The following HERC2 variants were observed in gnomAD, a reference collection of about 807,000 sequenced individuals.
The protein encoded by HERC2 is HECT and RLD domain containing E3 ubiquitin protein ligase 2, also known as E3 ubiquitin-protein ligase HERC2.
In HERC2, 102 loss-of-function variants were observed where a neutral mutation model predicts 537.7. The observed-to-expected ratio is 0.19, with a 90% confidence interval of 0.16 to 0.22. The LOEUF (loss-of-function observed/expected upper bound fraction) is 0.22. HERC2 is among the 10% of genes least tolerant of loss of function. The probability of loss-of-function intolerance (pLI) is 1.00; values close to 1 mark genes in which losing one functional copy is unlikely to be tolerated. For synonymous variants in HERC2, 2,224 were observed against 2,466.2 expected (o/e 0.90, Z 2.91); for missense variants, 4,236 against 6,198.2 (o/e 0.68, Z 10.63).
intron 55 of HERC2, among the ~76,000 whole-genome samples, chr15:28,188,422 T>C (rs1206294064): frequency 6.6e-6 from 1 of 151,866 alleles, no homozygotes; most frequent in Non-Finnish European, 1.5e-5. Flanking sequence ...CAGGCGCCTA[T>C]AGTCCCAGCT....
chr15:28,208,686 G>A (rs1214363971), intron 44 of HERC2, among the ~76,000 whole-genome samples: 3 of 152,174 alleles, frequency 2.0e-5, no homozygotes, highest in South Asian at 2.1e-4. Flanking sequence ...TGCTCAACAC[G>A]CTTCCAAAGA....
chr15:28,268,675 T>G lies in HERC2; in HGVS notation c.1447-59A>C. The stretch of plus-strand genomic sequence containing the variant: ...TCAGTCCAAGGAAAATGAAACCAGC[T>G]CAGCTCTCCGTTATCATGTATCCCC... On this transcript the variant is annotated intron_variant, in intron 11 of 92. Transcript: ENST00000261609. This position sits in a 1 kb window ranked among gnomAD's most constrained non-coding sequence, Gnocchi z 4.7. 1 of 1,432,010 alleles carries G rather than the reference T, an allele frequency of 7.0e-7. No individual in the cohort carries two copies. Among genetic ancestry groups the G allele is most frequent in the East Asian group, 2.4e-5 (1 of 41,408 alleles). 88.7% of individuals were successfully genotyped at this position (1,432,010 alleles called of 1,614,324 possible). A position where few individuals can be genotyped will look rare whatever the true frequency, so the allele number is the denominator to read the frequency against.
At chr15:28,305,145 T>G (rs2076749640) in intron 2 of HERC2, among the ~76,000 whole-genome samples, 2 of 143,084 alleles carry the variant, frequency 1.4e-5, no homozygotes, top group South Asian at 4.8e-4. Flanking sequence ...TTCCAAGTCT[T>G]TGCTATTGTG....
intron 2 of HERC2, among the ~76,000 whole-genome samples, chr15:28,303,982 G>T (rs995346260): frequency 2.6e-5 from 4 of 151,876 alleles, no homozygotes; most frequent in Non-Finnish European, 5.9e-5. Flanking sequence ...CCTGGCCCAT[G>T]TGGTGAAACC....
At chr15:28,170,832 G>T (rs1894623074) in intron 65 of HERC2, among the ~76,000 whole-genome samples, 1 of 150,324 alleles carries the variant, frequency 6.7e-6, no homozygotes, top group African/African-American at 2.4e-5. Flanking sequence ...ATTAGAAAAG[G>T]GCATGAAGAC....
chr15:28,113,775 G>A lies in HERC2; in HGVS notation c.13914-97C>T, dbSNP rs572048074. 1,010 of 951,480 alleles carry A rather than the reference G, an allele frequency of 1.1e-3. 2 individuals are homozygous for A. The highest frequency in any genetic ancestry group is 1.4e-3 in the Non-Finnish European group (862 of 604,962). 58.9% of individuals were successfully genotyped at this position (951,480 alleles called of 1,614,324 possible). On this transcript the variant is annotated intron_variant, in intron 90 of 92. Coordinates refer to ENST00000261609, the MANE Select transcript of HERC2 (RefSeq NM_004667.6). The surrounding 1 kb of genome is among the most constrained non-coding windows in gnomAD (Gnocchi z 7.0). ...GGCATGCAGCACTGTGGCCGCACAC[G>A]TCCCAGCTGGGAGAACAGAGGGAGC...
Position 28,256,165 on chromosome 15 carries a change from C to A in HERC2, c.2670G>T (p.Leu890=). The change falls in exon 18 of 93, where the codon CTG becomes CTT. Residue 890 remains leucine, a synonymous_variant. Transcript: ENST00000261609. ...GCAGCAGCACGGACCAGCCACTCTG[C>A]AGCACGGCCTGGGCGGCCGACTGCA... ...STVQSAAQAV[L]QSGWSVLLPT... is the part of the protein sequence containing the mutation. The A allele has an allele frequency of 6.2e-7, 1 of 1,602,056 alleles. No individual in the cohort carries two copies. The highest frequency in any genetic ancestry group is 1.1e-5 in the South Asian group (1 of 91,026).
chr15:28,167,858 T>G, intron 67 of HERC2, 31 bp from the exon 68 acceptor site: 1 of 1,576,250 alleles, frequency 6.3e-7, no homozygotes, highest in Non-Finnish European at 8.6e-7. Context: ...AGGGGAAGTT[T>G]AAGTGGAAAA....
chr15:28,177,606 T>G lies in HERC2; in HGVS notation c.9164-97A>C. 1.0e-6 allele frequency: 1 copy of G among 991,026 alleles called. No homozygotes were observed. Among genetic ancestry groups the G allele is most frequent in the Non-Finnish European group, 1.6e-6 (1 of 621,602 alleles). 61.4% of individuals were successfully genotyped at this position (991,026 alleles called of 1,614,324 possible). ...ATTTTGCCTGGCATATAGCACACACTCAATGAGCGTGAGCTGAATAAATGA... is the reference window on the plus strand; with the variant it reads ...ATTTTGCCTGGCATATAGCACACACGCAATGAGCGTGAGCTGAATAAATGA... On this transcript the variant is annotated intron_variant, in intron 59 of 92. Transcript: ENST00000261609. This position sits in a 1 kb window ranked among gnomAD's most constrained non-coding sequence, Gnocchi z 5.0.
intron 4 of HERC2, among the ~76,000 whole-genome samples, chr15:28,289,598 G>C (rs2076256419): frequency 6.6e-6 from 1 of 152,168 alleles, no homozygotes; most frequent in South Asian, 2.1e-4. Flanking sequence ...AGAACGCTGA[G>C]ACTGGCTTCT....
At chr15:28,220,103 C>T (rs763588933) in intron 37 of HERC2, among the ~76,000 whole-genome samples, 3 of 152,202 alleles carry the variant, frequency 2.0e-5, no homozygotes, top group Non-Finnish European at 2.9e-5. Flanking sequence ...GCAATTCCAC[C>T]AGGCCTCGGC....
chr15:28,222,709 CCTA>C (rs1232087380), intron 35 of HERC2, among the ~76,000 whole-genome samples: 1 of 152,082 alleles, frequency 6.6e-6, no homozygotes, highest in African/African-American at 2.4e-5. Flanking sequence ...TCTCCCATTC[CCTA>C]GGTAGTAGGT....
chr15:28,164,453 A>G (rs75829304), intron 68 of HERC2, among the ~76,000 whole-genome samples: 1 of 152,358 alleles, frequency 6.6e-6, no homozygotes, highest in African/African-American at 2.4e-5. Context: ...ATTCCAGAAC[A>G]TAACTCACTG....
rs774436245 is a variant in HERC2, at chr15:28,220,692, C to T, written c.5653-48G>A. The stretch of plus-strand genomic sequence containing the variant: ...CAGTTAGGAGGGTGCGTAACCTGCC[C>T]TGGTCCTTCCATGGCTCCCAGCAGA... On this transcript the variant is annotated intron_variant, in intron 36 of 92. Coordinates refer to ENST00000261609, the MANE Select transcript of HERC2 (RefSeq NM_004667.6). 5.4e-6 allele frequency: 8 copies of T among 1,486,046 alleles called. No homozygotes were observed. The East Asian group carries it at 1.6e-4, about 29-fold the overall frequency. 92.1% of individuals were successfully genotyped at this position (1,486,046 alleles called of 1,614,324 possible). A position where few individuals can be genotyped will look rare whatever the true frequency, so the allele number is the denominator to read the frequency against.
At position 28,135,513 on chromosome 15, in the gene HERC2, C is replaced by T. The variant is rs1207981284; in HGVS notation, c.12195G>A (p.Glu4065=). 1.2e-6 allele frequency: 2 copies of T among 1,614,034 alleles called. No homozygotes were observed. The highest frequency in any genetic ancestry group is 1.7e-6 in the Non-Finnish European group (2 of 1,180,016). Residue 4065 remains glutamate, a synonymous_variant, in exon 79 of 93, where the codon GAG becomes GAA. Transcript: ENST00000261609. ...SSEGEVYSWG[E]AEDGKLGHGN... is the part of the protein sequence containing the mutation. ...CATGCCCCAACTTCCCATCTTCTGCCTCACCCCAAGAGTAAACTTCTCCTT... is the reference window on the plus strand; with the variant it reads ...CATGCCCCAACTTCCCATCTTCTGCTTCACCCCAAGAGTAAACTTCTCCTT...
chr15:28,121,526 G>C (rs2142087009), intron 85 of HERC2, 97 bp from the exon 86 acceptor site: 2 of 1,021,030 alleles, frequency 2.0e-6, no homozygotes, highest in East Asian at 4.9e-5. Flanking sequence ...CTGTGTTGAA[G>C]ACCTTCTTAA....
At chr15:28,257,650 G>GT (rs2075301502) in intron 16 of HERC2, among the ~76,000 whole-genome samples, 1 of 152,000 alleles carries the variant, frequency 6.6e-6, no homozygotes, top group Non-Finnish European at 1.5e-5. Flanking sequence ...GAAATAACAA[G>GT]TAATCGGCAA....
At position 28,257,091 on chromosome 15, in the gene HERC2, G is replaced by C. The variant is rs768763663; in HGVS notation, c.2487C>G (p.Ala829=). 1.9e-6 allele frequency: 3 copies of C among 1,613,532 alleles called. No homozygotes were observed. Among genetic ancestry groups the C allele is most frequent in the Non-Finnish European group, 2.5e-6 (3 of 1,179,706 alleles). ...GTCGTAGAAGATTCAGCGTTGCCACGGCCACACACTCTTTCTCCTGGGGCG... is the reference window on the plus strand; with the variant it reads ...GTCGTAGAAGATTCAGCGTTGCCACCGCCACACACTCTTTCTCCTGGGGCG... ...WPPPQEKECV[A]VATLNLLRLQ... The change falls in exon 17 of 93, where the codon GCC becomes GCG. Residue 829 remains alanine, a synonymous_variant. Coordinates refer to ENST00000261609, the MANE Select transcript of HERC2 (RefSeq NM_004667.6).
At chr15:28,173,834 A>G (rs1894947523) in intron 65 of HERC2, among the ~76,000 whole-genome samples, 1 of 151,730 alleles carries the variant, frequency 6.6e-6, no homozygotes, top group African/African-American at 2.4e-5. Context: ...ACAATAACAA[A>G]AAGAAAACAT....
Sources: allele counts gnomAD v4.1 joint callset (sites outside exome capture counted in the v4.1 genomes callset), GRCh38; gene constraint gnomAD v4.1.1; non-coding constraint Gnocchi (gnomAD v3.1); transcripts MANE v1.5; gene names NCBI Gene and HGNC (gene_info 2026-07-23, HGNC 2026-07-21).